Variants in MYO10 observed in about 807,000 individuals in gnomAD.
The protein encoded by MYO10 is unconventional myosin-X.
In MYO10, 133 loss-of-function variants were observed where a neutral mutation model predicts 257.3. That is an observed-to-expected ratio of 0.52 (90% CI 0.45 to 0.60). The LOEUF (loss-of-function observed/expected upper bound fraction) is 0.60. Among genes scored for constraint, MYO10 ranks in the 20% least tolerant of loss-of-function variants. The pLI, the probability that MYO10 is intolerant of heterozygous loss-of-function variation, is 0.00. For synonymous variants in MYO10, 1,104 were observed against 1,028.6 expected (o/e 1.07, Z -1.40); for missense variants, 2,399 against 2,635.7 (o/e 0.91, Z 1.97).
intron 19 of MYO10, among the ~76,000 whole-genome samples, chr5:16,747,219 G>C (rs962376239): frequency 6.6e-6 from 1 of 152,106 alleles, no homozygotes; most frequent in Non-Finnish European, 1.5e-5. Flanking sequence ...TAAAAAGATT[G>C]ATACACATTA....
At chr5:16,784,466 A>G (rs1741514460) in intron 4 of MYO10, among the ~76,000 whole-genome samples, 1 of 152,212 alleles carries the variant, frequency 6.6e-6, no homozygotes, top group Non-Finnish European at 1.5e-5. Context: ...TCCCAAACAC[A>G]GTTAACAAGG....
chr5:16,768,837 G>C (rs906359749), intron 10 of MYO10, among the ~76,000 whole-genome samples: 1 of 151,656 alleles, frequency 6.6e-6, no homozygotes, highest in African/African-American at 2.4e-5. Flanking sequence ...CATCATGCCT[G>C]GCTAATTTTT....
intron 2 of MYO10, among the ~76,000 whole-genome samples, chr5:16,843,517 C>A (rs1348555642): frequency 6.6e-6 from 1 of 152,142 alleles, no homozygotes; most frequent in Non-Finnish European, 1.5e-5. Context: ...GCAGGCAGGG[C>A]TAGGAGTCTA....
intron 2 of MYO10, among the ~76,000 whole-genome samples, chr5:16,845,317 C>T (rs867970940): frequency 1.3e-5 from 2 of 152,226 alleles, no homozygotes; most frequent in Middle Eastern, 3.4e-3. Context: ...TTAACTCCTT[C>T]CATTTTAAAG....
chr5:16,913,426 G>A (rs556315982), intron 1 of MYO10, among the ~76,000 whole-genome samples: 2 of 152,268 alleles, frequency 1.3e-5, no homozygotes, highest in South Asian at 2.1e-4. Context: ...TTGTATATAC[G>A]TGTATGGCTG....
chr5:16,751,869 C>T (rs2126640936), intron 19 of MYO10, among the ~76,000 whole-genome samples: 1 of 152,258 alleles, frequency 6.6e-6, no homozygotes, highest in East Asian at 1.9e-4. Context: ...GTCTGCCATA[C>T]TTCAGGACAT....
chr5:16,712,169 T>C (rs923866288), intron 19 of MYO10, among the ~76,000 whole-genome samples: 2 of 152,044 alleles, frequency 1.3e-5, no homozygotes, highest in Non-Finnish European at 2.9e-5. Context: ...TTGGAAGACA[T>C]AGAGGCGAAA....
intron 19 of MYO10, among the ~76,000 whole-genome samples, chr5:16,752,019 C>T (rs1444925069): frequency 6.6e-6 from 1 of 152,176 alleles, no homozygotes; most frequent in Non-Finnish European, 1.5e-5. Context: ...TGCTGAACTG[C>T]TTCCAAGCAG....
At chr5:16,788,843 C>G (rs950853011) in intron 4 of MYO10, among the ~76,000 whole-genome samples, 1 of 152,046 alleles carries the variant, frequency 6.6e-6, no homozygotes, top group African/African-American at 2.4e-5. Flanking sequence ...TGGAACCAAA[C>G]GAGCATCTTT....
intron 18 of MYO10, 75 bp from the exon 19 acceptor site, chr5:16,754,983 A>G: frequency 1.1e-6 from 1 of 913,300 alleles, no homozygotes; most frequent in South Asian, 2.2e-5. Context: ...CTAGGCACTT[A>G]GAAACAATAA....
At chr5:16,790,912 TACACAC>T (rs3993823) in intron 4 of MYO10, among the ~76,000 whole-genome samples, 1 of 148,240 alleles carries the variant, frequency 6.7e-6, no homozygotes, top group Admixed American at 6.7e-5. Flanking sequence ...TATATATATA[TACACAC>T]ACACACACAC....
At chr5:16,721,354 G>A (rs1449065670) in intron 19 of MYO10, among the ~76,000 whole-genome samples, 1 of 152,112 alleles carries the variant, frequency 6.6e-6, no homozygotes, top group Admixed American at 6.5e-5. Context: ...CAAAAGCATC[G>A]TAACTAAAGC....
intron 1 of MYO10, among the ~76,000 whole-genome samples, chr5:16,918,524 C>T (rs185700409): frequency 9.6e-6 from 1 of 103,942 alleles, no homozygotes; most frequent in Non-Finnish European, 1.8e-5. Flanking sequence ...TTTTTTGAGA[C>T]AGAGTTTCGC....
chr5:16,792,132 C>CACACACACAGAGAG (rs755315207), intron 4 of MYO10, among the ~76,000 whole-genome samples: 2 of 75,384 alleles, frequency 2.7e-5, no homozygotes, highest in African/African-American at 7.0e-5. Flanking sequence ...CACACACACA[C>CACACACACAGAGAG]AGAGAGAGAG....
intron 3 of MYO10, among the ~76,000 whole-genome samples, chr5:16,808,465 C>T (rs889108337): frequency 5.9e-5 from 9 of 152,032 alleles, no homozygotes; most frequent in African/African-American, 2.2e-4. Flanking sequence ...AGAGTGAGGT[C>T]TAAATAATAA....
chr5:16,668,350 G>A lies in MYO10; in HGVS notation c.6002C>T (p.Ser2001Phe). 6.2e-7 allele frequency: 1 copy of A among 1,614,016 alleles called. No individual in the cohort carries two copies. Among genetic ancestry groups the A allele is most frequent in the Non-Finnish European group, 8.5e-7 (1 of 1,179,884 alleles). Residue 2001 changes from serine (S) to phenylalanine (F), a missense_variant, in exon 40 of 41, where the codon TCT (serine) becomes TTT (phenylalanine). Physicochemically the swap from Ser to Phe is radical, Grantham distance 155. Around this residue, in one of 3 missense-constraint regions of MYO10, gnomAD observed 1,820 missense variants for 1,939.4 expected, o/e 0.94. Coordinates refer to ENST00000513610, the MANE Select transcript of MYO10 (RefSeq NM_012334.3). ...LEVFQYEHIL[S>F]FGAPLANTYK... is the part of the protein sequence containing the mutation. ...CGTATTCGCCAGGGGTGCCCCAAAA[G>A]AGAGGATGTGTTCATACTGGAAGAC...
At chr5:16,731,709 TG>T (rs1424780103) in intron 19 of MYO10, among the ~76,000 whole-genome samples, 1 of 152,146 alleles carries the variant, frequency 6.6e-6, no homozygotes, top group Non-Finnish European at 1.5e-5. Flanking sequence ...GAGGAAAGCG[TG>T]GACATTACCC....
chr5:16,757,297 C>G (rs1393967234), intron 18 of MYO10, among the ~76,000 whole-genome samples: 1 of 78,088 alleles, frequency 1.3e-5, no homozygotes, highest in African/African-American at 5.5e-5. Context: ...CTCACACACA[C>G]ACAAACACAC....
intron 27 of MYO10, among the ~76,000 whole-genome samples, chr5:16,691,397 T>A (rs1351176609): frequency 1.3e-5 from 2 of 149,430 alleles, no homozygotes; most frequent in Non-Finnish European, 3.0e-5. Context: ...ATGAAATATT[T>A]AAAAAAAAAT....
Sources: allele counts gnomAD v4.1 joint callset (sites outside exome capture counted in the v4.1 genomes callset), GRCh38; gene constraint gnomAD v4.1.1; regional missense constraint gnomAD v4.1.1; transcripts MANE v1.5; gene names NCBI Gene and HGNC (gene_info 2026-07-23, HGNC 2026-07-21).